Variants in KIF1B observed in about 807,000 individuals in gnomAD.
The protein encoded by KIF1B is kinesin family member 1B, also known as kinesin-like protein KIF1B.
A neutral mutation model predicts 241.9 loss-of-function variants in KIF1B; 76 were observed. The ratio of observed to expected loss-of-function variants is 0.31; its 90% CI spans 0.26 to 0.38. The LOEUF (loss-of-function observed/expected upper bound fraction) is 0.38. Among genes scored for constraint, KIF1B ranks in the 10% least tolerant of loss-of-function variants. The pLI is 1.00. For missense variants in KIF1B, 1,622 were observed against 2,271.4 expected, an observed-to-expected ratio of 0.71 and a Z score of 5.81; for synonymous variants, 750 against 796.7, an observed-to-expected ratio of 0.94 and a Z score of 0.99.
intron 1 of KIF1B, among the ~76,000 whole-genome samples, chr1:10,220,546 A>G (rs762302238): frequency 5.9e-5 from 9 of 152,152 alleles, no homozygotes; most frequent in Non-Finnish European, 1.0e-4. Context: ...ATGCATGCCT[A>G]TAGTACCCAG....
chr1:10,324,731 C>G, intron 25 of KIF1B, 27 bp from the exon 26 acceptor site: 1 of 1,612,738 alleles, frequency 6.2e-7, no homozygotes, highest in East Asian at 2.2e-5. Flanking sequence ...TTATATTAAC[C>G]CAATGTGCTT....
At position 10,380,266 on chromosome 1, in the gene KIF1B, G is replaced by T. The variant is rs1638988184; in HGVS notation, c.*3679G>T. On this transcript the variant is annotated 3_prime_UTR_variant, in exon 49 of 49. Transcript: ENST00000676179. ...TGGATTGGAGAGAAAGGATTCTCCA[G>T]TGTGCACACTCATCGGTACTCTTTC... is the stretch of plus-strand genomic sequence containing the variant. 1 of 212,524 alleles carries T rather than the reference G, an allele frequency of 4.7e-6. No homozygotes were observed. Among genetic ancestry groups the T allele is most frequent in the Non-Finnish European group, 9.5e-6 (1 of 104,772 alleles). The allele number at this position is 212,524 out of a possible 1,614,324, so 13.2% of individuals were successfully genotyped here.
At chr1:10,314,211 GTAAT>G (rs1249248733) in intron 22 of KIF1B, among the ~76,000 whole-genome samples, 2 of 151,330 alleles carry the variant, frequency 1.3e-5, no homozygotes, top group African/African-American at 4.9e-5. Context: ...TGTGCCTTCC[GTAAT>G]TAGTTTTTGT....
Position 10,323,892 on chromosome 1 carries a change from T to C in KIF1B, c.2367T>C (p.Phe789=), listed in dbSNP as rs1486774406. The change falls in exon 25 of 49, where the codon TTT becomes TTC. Residue 789 remains phenylalanine (F), a synonymous_variant. Coordinates refer to ENST00000676179, the MANE Select transcript of KIF1B (RefSeq NM_001365951.3). ...ISVELKKKVQ[F]QFVLLTDTLY... Reference sequence around the variant, plus strand: ...TTATTCTTTCTATTCAGGTGCAGTTTCAGTTTGTTCTGCTGACTGACACAC... The same window carrying C: ...TTATTCTTTCTATTCAGGTGCAGTTCCAGTTTGTTCTGCTGACTGACACAC... 1 of 1,613,826 alleles carries C rather than the reference T, an allele frequency of 6.2e-7. No individual in the cohort carries two copies. Among genetic ancestry groups the C allele is most frequent in the Non-Finnish European group, 8.5e-7 (1 of 1,179,800 alleles).
At chr1:10,234,877 TTTC>T (rs544601227) in intron 2 of KIF1B, among the ~76,000 whole-genome samples, 132 of 151,896 alleles carry the variant, frequency 8.7e-4, no homozygotes, top group African/African-American at 2.8e-3. Flanking sequence ...ACTAAAATAA[TTTC>T]TTTTCTTTTT....
rs1205403546 is a variant in KIF1B, at chr1:10,277,986, A to G, written c.1038A>G (p.Arg346=). Residue 346 remains arginine, a splice_region_variant and synonymous_variant, in exon 13 of 49, where the codon AGA becomes AGG. Transcript: ENST00000676179. ...GAACAAATTTTCTTTTTGGATCTAG[A>G]TATGCAGATCGTGCAAAACAAATTA... ...INYDETLSTL[R]YADRAKQIKC... is the part of the protein sequence containing the mutation. The G allele has an allele frequency of 7.4e-6, 12 of 1,613,758 alleles. No individual in the cohort carries two copies. Among genetic ancestry groups the G allele is most frequent in the African/African-American group, 1.3e-5 (1 of 75,044 alleles).
At chr1:10,307,357 T>C in intron 22 of KIF1B, 1 of 887,808 alleles carries the variant, frequency 1.1e-6, no homozygotes. Flanking sequence ...TCGCCCAGGC[T>C]GCAGTGCAGT....
At chr1:10,256,364 CT>C in intron 3 of KIF1B, 41 bp downstream of exon 3, 1 of 1,309,962 alleles carries the variant, frequency 7.6e-7, no homozygotes, top group Non-Finnish European at 1.1e-6. Context: ...CTCCTGCCTC[CT>C]TTCCTCTTTC....
intron 2 of KIF1B, among the ~76,000 whole-genome samples, chr1:10,244,615 CT>C (rs773950544): frequency 0.044 from 4,539 of 103,792 alleles, 76 homozygotes; most frequent in Middle Eastern, 0.22. Context: ...CCCGGCCCTC[CT>C]TTTTTTTTTT....
At chr1:10,334,111 A>G (rs1233668126) in intron 27 of KIF1B, among the ~76,000 whole-genome samples, 1 of 140,856 alleles carries the variant, frequency 7.1e-6, no homozygotes, top group Non-Finnish European at 1.5e-5. Context: ...AGATCGTGCC[A>G]CTGTACTACA....
rs527593542 is a variant in KIF1B, at chr1:10,295,569, C to A, written c.1671-91C>A. On this transcript the variant is annotated intron_variant, in intron 18 of 48. Coordinates refer to ENST00000676179, the MANE Select transcript of KIF1B (RefSeq NM_001365951.3). ...CAAGGCAATACCTTTTTTGTACGTA[C>A]CAAAGGATATTCTTTGGAATAAAGA... The A allele has an allele frequency of 2.5e-6, 3 of 1,186,982 alleles. No individual in the cohort carries two copies. In the African/African-American group the frequency reaches 4.5e-5, roughly 18 times the overall value. 73.5% of individuals were successfully genotyped at this position (1,186,982 alleles called of 1,614,324 possible).
At chr1:10,321,972 T>C in intron 24 of KIF1B, 115 bp downstream of exon 24, 1 of 1,076,490 alleles carries the variant, frequency 9.3e-7, no homozygotes, top group Non-Finnish European at 1.4e-6. Flanking sequence ...TGCTTTGTGC[T>C]ATAAAACAGC....
intron 34 of KIF1B, 106 bp downstream of exon 34, chr1:10,343,393 A>G (rs1018104507): frequency 1.3e-5 from 13 of 1,024,652 alleles, no homozygotes; most frequent in Non-Finnish European, 2.0e-5. Flanking sequence ...ATTCTTCTAT[A>G]TATCCACATG....
In KIF1B at chr1:10,324,073, A is replaced by T. The variant is rs1378661494; in HGVS notation, c.2537+11A>T. The T allele has an allele frequency of 6.2e-7, 1 of 1,613,090 alleles. No homozygotes were observed. Among genetic ancestry groups the T allele is most frequent in the Non-Finnish European group, 8.5e-7 (1 of 1,179,238 alleles). On this transcript the variant is annotated intron_variant, in intron 25 of 48. Transcript: ENST00000676179. ...TTTGGAGAAACTCAAGTATGAAAAC[A>T]TTCATAAAGGCTGGTTGTTTTATTT...
At chr1:10,372,809 TTTTA>T (rs1297933534) in intron 45 of KIF1B, among the ~76,000 whole-genome samples, 6 of 150,000 alleles carry the variant, frequency 4.0e-5, no homozygotes, top group Non-Finnish European at 8.9e-5. Context: ...TTTTATTTTA[TTTTA>T]TTTATTTATT....
intron 5 of KIF1B, among the ~76,000 whole-genome samples, chr1:10,264,537 T>C (rs537488324): frequency 1.5e-4 from 23 of 152,384 alleles, no homozygotes; most frequent in African/African-American, 5.3e-4. Flanking sequence ...GTATTGTATG[T>C]ACAAATTTAA....
chr1:10,279,071 G>A (rs72865963), intron 13 of KIF1B, 26 bp from the exon 14 acceptor site: 44,640 of 1,532,936 alleles, frequency 0.029, 1,091 homozygotes, highest in African/African-American at 0.11. Context: ...GACCCTTCTC[G>A]TATTTTCCCT....
At chr1:10,293,082 A>T (rs941839618) in intron 17 of KIF1B, among the ~76,000 whole-genome samples, 1 of 71,360 alleles carries the variant, frequency 1.4e-5, no homozygotes, top group Non-Finnish European at 2.6e-5. Flanking sequence ...TCCTGGCCAC[A>T]TAACTTTTTT....
chr1:10,367,324 G>A (rs985891037), intron 43 of KIF1B, among the ~76,000 whole-genome samples: 1 of 151,400 alleles, frequency 6.6e-6, no homozygotes, highest in African/African-American at 2.4e-5. Flanking sequence ...TTGAACTCCT[G>A]ACCTCAGGTG....
Sources: gnomAD v4.1 joint callset for allele counts (sites outside exome capture counted in the v4.1 genomes callset) on GRCh38, gnomAD v4.1.1 for gene constraint, MANE v1.5 for transcripts, NCBI Gene and HGNC (gene_info 2026-07-23, HGNC 2026-07-21) for gene names.